ATP2C2: variants seen among roughly 807,000 people sequenced by gnomAD.
The protein encoded by ATP2C2 is calcium-transporting ATPase type 2C member 2.
ATP2C2 carries 171 observed loss-of-function variants against 110.8 expected under a neutral mutation model. That is an observed-to-expected ratio of 1.54 (90% confidence interval 1.36 to 1.75). ATP2C2 has a LOEUF of 1.75. Ranked by LOEUF, ATP2C2 falls within the 40% of genes most tolerant of loss-of-function variation. The probability of loss-of-function intolerance (pLI) is 0.00; values close to 1 mark genes in which losing one functional copy is unlikely to be tolerated. For missense variants in ATP2C2, 1,963 were observed against 1,235.0 expected, an observed-to-expected ratio of 1.59 and a Z score of -8.84; for synonymous variants, 804 against 508.4, an observed-to-expected ratio of 1.58 and a Z score of -7.82.
intron 6 of ATP2C2, among the ~76,000 whole-genome samples, chr16:84,414,469 T>A (rs1300502946): frequency 2.0e-5 from 3 of 152,100 alleles, no homozygotes; most frequent in Non-Finnish European, 2.9e-5. Flanking sequence ...GAAGGGTGTG[T>A]GTGTGTGCGT....
intron 7 of ATP2C2, among the ~76,000 whole-genome samples, chr16:84,416,505 A>G (rs1906846902): frequency 6.6e-6 from 1 of 152,208 alleles, no homozygotes; most frequent in Non-Finnish European, 1.5e-5. Context: ...CGGATGGAGA[A>G]GAGCACAAAG....
chr16:84,461,800 C>T lies in ATP2C2; in HGVS notation c.2568C>T (p.Thr856=). 6.2e-7 allele frequency: 1 copy of T among 1,614,120 alleles called. No individual in the cohort carries two copies. Among genetic ancestry groups the T allele is most frequent in the Non-Finnish European group, 8.5e-7 (1 of 1,179,934 alleles). ...FVFFDLFNAL[T]CRSQTKLIFE... is the part of the protein sequence containing the mutation. ...TTTTCGATCTCTTCAACGCCTTGAC[C>T]TGCCGCTCTCAGGTGAGACCCGGGC... is the stretch of plus-strand genomic sequence containing the variant. Residue 856 remains threonine, a synonymous_variant, in exon 25 of 27, where the codon ACC becomes ACT. Coordinates refer to ENST00000262429, the MANE Select transcript of ATP2C2 (RefSeq NM_014861.4).
chr16:84,429,134 GCGT>G (rs202156701), intron 11 of ATP2C2, among the ~76,000 whole-genome samples: 8,019 of 134,828 alleles, frequency 0.059, 223 homozygotes, highest in Middle Eastern at 0.083. Context: ...GATCTTCATG[GCGT>G]TGTTTTTTTT....
intron 2 of ATP2C2, among the ~76,000 whole-genome samples, chr16:84,403,848 G>T (rs776175105): frequency 1.3e-5 from 2 of 152,056 alleles, no homozygotes; most frequent in East Asian, 1.9e-4. Flanking sequence ...ATGCCACCAC[G>T]CCCGGCTAAT....
At chr16:84,421,101 C>T (rs1668056531) in intron 7 of ATP2C2, among the ~76,000 whole-genome samples, 1 of 152,140 alleles carries the variant, frequency 6.6e-6, no homozygotes. Context: ...CCACCATGCC[C>T]GGCCGTCCTT....
chr16:84,454,651 G>A (rs1188802094), intron 20 of ATP2C2, among the ~76,000 whole-genome samples, 167 bp from the exon 21 acceptor site: 1 of 152,242 alleles, frequency 6.6e-6, no homozygotes, highest in Admixed American at 6.5e-5. Flanking sequence ...GAGGTCAAGA[G>A]GGTCAAGGGC....
chr16:84,443,013 T>C (rs1909412979), intron 15 of ATP2C2, among the ~76,000 whole-genome samples: 1 of 152,120 alleles, frequency 6.6e-6, no homozygotes, highest in African/African-American at 2.4e-5. Flanking sequence ...CCCTGAGCTC[T>C]GTGGCTGTGC....
chr16:84,421,387 A>G (rs892213632), intron 7 of ATP2C2, among the ~76,000 whole-genome samples: 3 of 152,216 alleles, frequency 2.0e-5, no homozygotes, highest in African/African-American at 7.2e-5. Context: ...GGCAGTGCAC[A>G]TATTTTTAAA....
At chr16:84,461,911 G>T in intron 25 of ATP2C2, 77 bp from the exon 26 acceptor site, 1 of 1,606,362 alleles carries the variant, frequency 6.2e-7, no homozygotes, top group Non-Finnish European at 8.5e-7. Flanking sequence ...CTGGCTCAGC[G>T]TGGGCAGTCA....
Position 84,439,662 on chromosome 16 carries a change from A to G in ATP2C2, c.1209+138A>G, listed in dbSNP as rs535729293. 1.3e-4 allele frequency: 102 copies of G among 811,324 alleles called. 2 individuals carry two copies. The East Asian group carries it at 2.4e-3, about 19-fold the overall frequency. 50.3% of individuals were successfully genotyped at this position (811,324 alleles called of 1,614,324 possible). ...GTCATCTTATAATCTCCTTGCTAAC[A>G]TGACTGATTTTGTTTTTAATCATCC... On this transcript the variant is annotated intron_variant, in intron 13 of 26. Transcript: ENST00000262429.
chr16:84,453,402 C>T (rs763888236), intron 20 of ATP2C2, 31 bp downstream of exon 20: 4 of 1,613,266 alleles, frequency 2.5e-6, no homozygotes, highest in Admixed American at 3.3e-5. Context: ...ACAGGCTGCG[C>T]TGCTGGGGCC....
intron 3 of ATP2C2, among the ~76,000 whole-genome samples, chr16:84,405,953 T>G (rs1001362500): frequency 6.6e-6 from 1 of 152,156 alleles, no homozygotes; most frequent in Non-Finnish European, 1.5e-5. Flanking sequence ...GAATTTCAGA[T>G]AGATAAACAA....
intron 2 of ATP2C2, among the ~76,000 whole-genome samples, chr16:84,400,492 A>C (rs1905252445): frequency 6.6e-6 from 1 of 151,922 alleles, no homozygotes; most frequent in African/African-American, 2.4e-5. Context: ...ATGCCTGGCT[A>C]ATTTTTTTGT....
intron 11 of ATP2C2, among the ~76,000 whole-genome samples, chr16:84,429,543 C>G (rs1908082510): frequency 6.6e-6 from 1 of 152,108 alleles, no homozygotes; most frequent in South Asian, 2.1e-4. Flanking sequence ...TCATTGAATC[C>G]CTTTCATGTT....
chr16:84,412,927 C>G (rs1195653247), intron 6 of ATP2C2, among the ~76,000 whole-genome samples: 1 of 135,278 alleles, frequency 7.4e-6, no homozygotes, highest in Non-Finnish European at 1.7e-5. Context: ...GAAACTCTGT[C>G]TCTACTAAAA....
chr16:84,439,127 A>G, intron 11 of ATP2C2, 39 bp from the exon 12 acceptor site: 1 of 1,610,666 alleles, frequency 6.2e-7, no homozygotes, highest in Non-Finnish European at 8.5e-7. Context: ...CACACTCCTT[A>G]AATGTGTTAG....
intron 16 of ATP2C2, among the ~76,000 whole-genome samples, chr16:84,448,166 A>G (rs1215386858): frequency 6.6e-6 from 1 of 152,178 alleles, no homozygotes; most frequent in Non-Finnish European, 1.5e-5. Flanking sequence ...GGGAGGCAAC[A>G]GTCTAATGGA....
intron 18 of ATP2C2, among the ~76,000 whole-genome samples, chr16:84,452,433 T>C (rs981909096): frequency 5.3e-5 from 8 of 151,956 alleles, no homozygotes; most frequent in African/African-American, 1.9e-4. Flanking sequence ...TGGCAAACCA[T>C]TGAACCACTC....
At chr16:84,406,413 C>G (rs541398364) in intron 3 of ATP2C2, among the ~76,000 whole-genome samples, 4 of 152,326 alleles carry the variant, frequency 2.6e-5, no homozygotes, top group Admixed American at 6.5e-5. Context: ...TGGCCCCATC[C>G]CTGACATCCC....
Sources: allele counts gnomAD v4.1 joint callset (sites outside exome capture counted in the v4.1 genomes callset), GRCh38; gene constraint gnomAD v4.1.1; transcripts MANE v1.5; gene names NCBI Gene and HGNC (gene_info 2026-07-23, HGNC 2026-07-21).